The following USH2A variants were observed in gnomAD, a reference collection of about 807,000 sequenced individuals.
The protein encoded by USH2A is usherin, also known as Usher syndrome 2A (autosomal recessive, mild).
A neutral mutation model predicts 538.9 loss-of-function variants in USH2A; 443 were observed. The ratio of observed to expected loss-of-function variants is 0.82; its 90% confidence interval spans 0.76 to 0.89. The LOEUF is 0.89. USH2A is among the 40% of genes least tolerant of loss of function. The pLI is 0.00. For synonymous variants in USH2A, 2,413 were observed against 2,273.5 expected, an observed-to-expected ratio of 1.06 and a Z score of -1.75; for missense variants, 6,633 against 6,324.8, an observed-to-expected ratio of 1.05 and a Z score of -1.65.
intron 18 of USH2A, 135 bp downstream of exon 18, chr1:216,198,180 G>T (rs1434129969): frequency 7.6e-7 from 1 of 1,308,654 alleles, no homozygotes; most frequent in Non-Finnish European, 1.0e-6. Context: ...CCATATATAT[G>T]AAAATTTTCC....
chr1:216,070,276 T>C lies in USH2A; in HGVS notation c.5874A>G (p.Pro1958=), dbSNP rs746686260. ...TTAAGCTGCGGACTCTTGAGGGAGT[T>C]GGCACACTTTGTGGAGCTGTGAAGG... ...RTTGAAPQSV[P]TPSRVRSLNG... is the part of the protein sequence containing the mutation. The change falls in exon 30 of 72, where the codon CCA becomes CCG. Residue 1958 remains proline (P), a synonymous_variant. Coordinates refer to ENST00000307340, the MANE Select transcript of USH2A (RefSeq NM_206933.4). 40 of 1,613,806 alleles carry C rather than the reference T, an allele frequency of 2.5e-5. No individual in the cohort carries two copies. Among genetic ancestry groups the C allele is most frequent in the Non-Finnish European group, 3.0e-5 (35 of 1,179,890 alleles).
intron 37 of USH2A, among the ~76,000 whole-genome samples, chr1:215,944,073 T>A (rs146370310): frequency 6.6e-6 from 1 of 152,174 alleles, no homozygotes; most frequent in East Asian, 1.9e-4. Context: ...GATTGAAATA[T>A]CCAAGGAAAG....
chr1:216,192,516 A>C (rs1396423857), intron 19 of USH2A, among the ~76,000 whole-genome samples: 2 of 151,622 alleles, frequency 1.3e-5, no homozygotes, highest in Non-Finnish European at 2.9e-5. Context: ...AGATGGCAAA[A>C]CCCTGTCTCT....
At chr1:216,217,139 G>A (rs1438691813) in intron 15 of USH2A, among the ~76,000 whole-genome samples, 1 of 151,992 alleles carries the variant, frequency 6.6e-6, no homozygotes, top group African/African-American at 2.4e-5. Context: ...TCACCTCATT[G>A]TTGATTTCAC....
At chr1:216,069,424 T>C (rs986863879) in intron 30 of USH2A, among the ~76,000 whole-genome samples, 1 of 152,126 alleles carries the variant, frequency 6.6e-6, no homozygotes. Flanking sequence ...TAGAGGAAAA[T>C]GTTTTTTTTC....
chr1:215,761,128 G>T (rs1660969379), intron 56 of USH2A, among the ~76,000 whole-genome samples: 2 of 152,046 alleles, frequency 1.3e-5, no homozygotes, highest in African/African-American at 4.8e-5. Flanking sequence ...CCTACACCTG[G>T]GCTTTTGAAC....
At chr1:215,963,650 T>A (rs887547729) in intron 37 of USH2A, among the ~76,000 whole-genome samples, 1 of 152,130 alleles carries the variant, frequency 6.6e-6, no homozygotes, top group Non-Finnish European at 1.5e-5. Context: ...GAATATATAA[T>A]GGTTAAAAAG....
intron 53 of USH2A, 134 bp from the exon 54 acceptor site, chr1:215,782,330 C>A: frequency 1.1e-6 from 1 of 949,654 alleles, no homozygotes; most frequent in Non-Finnish European, 1.6e-6. Context: ...TATTATATTG[C>A]TGTCTCAAGC....
rs201818187 is a variant in USH2A, at chr1:216,273,528, A to G, written c.1971+15752T>C. Among the ~76,000 whole-genome samples the G allele has an allele frequency of 1.3e-4, 20 of 152,284 alleles. No homozygotes were observed. In the East Asian group the frequency reaches 3.7e-3, roughly 28 times the overall value. On this transcript the variant is annotated intron_variant, in intron 11 of 71. Transcript: ENST00000307340. ...TTATTTAAACATAATAATAATAAATAATACATTTCAAGGTTAAATTCAATT... is the reference window on the plus strand; with the variant it reads ...TTATTTAAACATAATAATAATAAATGATACATTTCAAGGTTAAATTCAATT...
intron 19 of USH2A, among the ~76,000 whole-genome samples, chr1:216,195,356 T>C (rs1384237034): frequency 6.6e-6 from 1 of 151,842 alleles, no homozygotes. Context: ...CCATGGGAGG[T>C]CCCTTAAGAG....
intron 41 of USH2A, among the ~76,000 whole-genome samples, chr1:215,886,858 T>G (rs539052980): frequency 6.6e-6 from 1 of 152,240 alleles, no homozygotes; most frequent in African/African-American, 2.4e-5. Flanking sequence ...CTGAAAATAC[T>G]TATTTTTTTT....
At chr1:215,943,192 T>C (rs1347629) in intron 37 of USH2A, among the ~76,000 whole-genome samples, 59,973 of 151,946 alleles carry the variant, frequency 0.39, 12,416 homozygotes, top group East Asian at 0.67. Context: ...TCGAGTATTA[T>C]ACATACAGCT....
At chr1:216,345,275 C>A (rs1285020649) in intron 4 of USH2A, among the ~76,000 whole-genome samples, 1 of 152,036 alleles carries the variant, frequency 6.6e-6, no homozygotes, top group Non-Finnish European at 1.5e-5. Context: ...ATGACAGGGT[C>A]CAACCAGGGG....
chr1:216,073,725 A>G (rs2031649181), intron 27 of USH2A, among the ~76,000 whole-genome samples: 1 of 152,268 alleles, frequency 6.6e-6, no homozygotes, highest in South Asian at 2.1e-4. Context: ...TATTTGAATT[A>G]GCATGATTAT....
intron 32 of USH2A, among the ~76,000 whole-genome samples, chr1:216,045,343 T>C (rs1050625772): frequency 2.0e-5 from 3 of 152,148 alleles, no homozygotes; most frequent in Admixed American, 6.6e-5. Context: ...AAGTCTTCTG[T>C]ATTTAGAAAG....
At position 216,323,576 on chromosome 1, in the gene USH2A, G is replaced by C. The variant is rs201847741; in HGVS notation, c.1448C>G (p.Thr483Arg). The change falls in exon 8 of 72, where the codon ACG (threonine) becomes AGG (arginine). Residue 483 changes from threonine (T) to arginine (R), a missense_variant. By Grantham distance (71) the Thr-to-Arg change is moderately conservative. Coordinates refer to ENST00000307340, the MANE Select transcript of USH2A (RefSeq NM_206933.4). ...CCCATGAAAATGAAACCTTATTTGCGTGGCTTTTACGAACTCTTGAAGAGA... is the reference window on the plus strand; with the variant it reads ...CCCATGAAAATGAAACCTTATTTGCCTGGCTTTTACGAACTCTTGAAGAGA... ...TPSLQEFVKA[T>R]QIRFHFHGQY... The C allele has an allele frequency of 6.2e-7, 1 of 1,613,466 alleles. No homozygotes were observed. The highest frequency in any genetic ancestry group is 1.1e-5 in the South Asian group (1 of 91,064).
intron 35 of USH2A, among the ~76,000 whole-genome samples, chr1:215,986,129 T>C (rs1309382743): frequency 1.3e-5 from 2 of 151,858 alleles, no homozygotes; most frequent in Non-Finnish European, 1.5e-5. Flanking sequence ...CTCTCTCTCT[T>C]TTTTGTTTTA....
intron 24 of USH2A, among the ~76,000 whole-genome samples, chr1:216,086,242 C>T (rs74672111): frequency 0.027 from 4,087 of 152,106 alleles, 167 homozygotes; most frequent in African/African-American, 0.085. Context: ...TCTGTTTATA[C>T]GCCTGTGACC....
rs1234318382 is a variant in USH2A at position 215,624,849 on chromosome 1, C to T, written c.*932G>A. 1 of 152,120 alleles carries T rather than the reference C, an allele frequency of 6.6e-6. No individual in the cohort carries two copies. Among genetic ancestry groups the T allele is most frequent in the Non-Finnish European group, 1.5e-5 (1 of 68,006 alleles). 9.4% of individuals were successfully genotyped at this position (152,120 alleles called of 1,614,324 possible). A position where few individuals can be genotyped will look rare whatever the true frequency, so the allele number is the denominator to read the frequency against. ...ATGTTAATGCTAGAAGGAACAGATA[C>T]ATTTTTCCTTTTAAAATTTCACGCA... is the stretch of plus-strand genomic sequence containing the variant. On this transcript the variant is annotated 3_prime_UTR_variant, in exon 72 of 72. Coordinates refer to ENST00000307340, the MANE Select transcript of USH2A (RefSeq NM_206933.4).
Sources: gnomAD v4.1 joint callset for allele counts (sites outside exome capture counted in the v4.1 genomes callset) on GRCh38, gnomAD v4.1.1 for gene constraint, MANE v1.5 for transcripts, NCBI Gene and HGNC (gene_info 2026-07-23, HGNC 2026-07-21) for gene names.